NRP2: variants seen among roughly 807,000 people sequenced by gnomAD.
The protein encoded by NRP2 is neuropilin-2.
Under a neutral mutation model 110.4 loss-of-function variants are expected in NRP2, and 52 were observed. That is an observed-to-expected ratio of 0.47 (90% CI 0.38 to 0.59). The LOEUF (loss-of-function observed/expected upper bound fraction) is 0.59. NRP2 is among the 20% of genes least tolerant of loss of function. The pLI, the probability that NRP2 is intolerant of heterozygous loss-of-function variation, is 0.00. For missense variants in NRP2, 1,049 were observed against 1,203.0 expected, an observed-to-expected ratio of 0.87 and a Z score of 1.89; for synonymous variants, 508 against 468.9, an observed-to-expected ratio of 1.08 and a Z score of -1.08.
At chr2:205,743,722 A>C in intron 9 of NRP2, 170 bp downstream of exon 9, 1 of 1,327,596 alleles carries the variant, frequency 7.5e-7, no homozygotes, top group Non-Finnish European at 1.0e-6. Context: ...ACTGTGCTAA[A>C]TACCTTATTT....
chr2:205,777,050 T>G, intron 15 of NRP2: 2 of 1,003,082 alleles, frequency 2.0e-6, no homozygotes, highest in Non-Finnish European at 2.4e-6. Context: ...GAGGGCCCCT[T>G]TAACTCTTAT....
At chr2:205,768,047 C>T (rs932011687) in intron 15 of NRP2, 10 of 152,358 alleles carry the variant, frequency 6.6e-5, no homozygotes, top group African/African-American at 2.4e-4. Context: ...CAATTTGCCA[C>T]TCATCAGCTC....
intron 15 of NRP2, chr2:205,768,437 G>A (rs147720246): frequency 4.6e-5 from 7 of 152,304 alleles, no homozygotes; most frequent in African/African-American, 1.7e-4. Context: ...GGGTAAAGAC[G>A]TGCCAGCAGC....
chr2:205,732,044 A>T (rs1376090418), intron 7 of NRP2, among the ~76,000 whole-genome samples: 2 of 152,216 alleles, frequency 1.3e-5, no homozygotes, highest in Admixed American at 1.3e-4. Flanking sequence ...GGCGCTCTCC[A>T]CAATCCGCCC....
chr2:205,744,966 T>C (rs1414483990), intron 9 of NRP2, among the ~76,000 whole-genome samples: 1 of 152,176 alleles, frequency 6.6e-6, no homozygotes, highest in Non-Finnish European at 1.5e-5. Context: ...GGTTCAGAAT[T>C]GTGGACGCAG....
intron 7 of NRP2, among the ~76,000 whole-genome samples, chr2:205,728,417 T>C (rs968833648): frequency 2.6e-5 from 4 of 152,112 alleles, no homozygotes; most frequent in African/African-American, 4.8e-5. Context: ...CAAAACCACA[T>C]GATACTATAG....
In NRP2 at chr2:205,686,397, T is replaced by C. The variant is rs577980191; in HGVS notation, c.73+3034T>C. Among the ~76,000 whole-genome samples, 151 of 152,326 alleles carry C rather than the reference T, an allele frequency of 9.9e-4. 2 individuals are homozygous for C. The highest frequency in any genetic ancestry group is 3.4e-3 in the Middle Eastern group (1 of 294). ...CCCCAGCCGCCTCGCTCTTTGCTTT[T>C]CCACGTGAGAAAAAGAAATGTTCAC... On this transcript the variant is annotated intron_variant, in intron 1 of 16. Transcript: ENST00000357785. This position sits in a 1 kb window ranked among gnomAD's most constrained non-coding sequence, Gnocchi z 4.7.
At chr2:205,695,942 G>T (rs1215340174) in intron 1 of NRP2, among the ~76,000 whole-genome samples, 6 of 152,156 alleles carry the variant, frequency 3.9e-5, no homozygotes, top group Non-Finnish European at 5.9e-5. Context: ...TGAGCTCATT[G>T]TCTTCATGGG....
chr2:205,723,704 A>C (rs2057066400), intron 4 of NRP2, 81 bp from the exon 5 acceptor site: 1 of 1,410,706 alleles, frequency 7.1e-7, no homozygotes, highest in Non-Finnish European at 1.0e-6. Flanking sequence ...AATGAAATGC[A>C]ATGAGGGGAA....
rs56837273 is a variant in NRP2 at position 205,769,505 on chromosome 2, TACACACAC to T, written c.2425+2730_2425+2737del. 7.8e-3 allele frequency among the ~76,000 whole-genome samples: 1,138 copies of T among 145,206 alleles called. 3 individuals carry two copies. Among genetic ancestry groups the T allele is most frequent in the Non-Finnish European group, 0.012 (810 of 66,398 alleles). On this transcript the variant is annotated intron_variant, in intron 15 of 16. Transcript: ENST00000357785. ...TGCTGTGTGTGTGTATATACATACA[TACACACAC>T]ACACACACACACACACACACACACA...
chr2:205,790,240 A>G (rs1045186180), intron 15 of NRP2, among the ~76,000 whole-genome samples: 4 of 152,182 alleles, frequency 2.6e-5, no homozygotes, highest in African/African-American at 9.7e-5. Flanking sequence ...AAATCATCTC[A>G]TCCAGTCCTC....
chr2:205,726,475 T>A (rs2057130993), intron 6 of NRP2, among the ~76,000 whole-genome samples: 2 of 152,160 alleles, frequency 1.3e-5, no homozygotes, highest in African/African-American at 2.4e-5. Flanking sequence ...TAGCTGCACA[T>A]GACAGCTTCT....
intron 12 of NRP2, among the ~76,000 whole-genome samples, chr2:205,757,897 CT>C (rs34092110): frequency 0.095 from 14,090 of 148,372 alleles, 754 homozygotes; most frequent in African/African-American, 0.15. Context: ...TTTCTTTACC[CT>C]TTTTTTTTTT....
At chr2:205,762,763 G>A (rs2057845316) in intron 12 of NRP2, among the ~76,000 whole-genome samples, 1 of 152,180 alleles carries the variant, frequency 6.6e-6, no homozygotes, top group Non-Finnish European at 1.5e-5. Context: ...AGTTGGATTT[G>A]AAGGTGCAGG....
chr2:205,778,520 C>T (rs2058134153), intron 15 of NRP2: 1 of 152,268 alleles, frequency 6.6e-6, no homozygotes, highest in Non-Finnish European at 1.5e-5. Flanking sequence ...GCCCAGGGTA[C>T]CATGTGATGA....
intron 2 of NRP2, among the ~76,000 whole-genome samples, chr2:205,712,369 C>A (rs756538539): frequency 6.6e-6 from 1 of 152,154 alleles, no homozygotes; most frequent in Non-Finnish European, 1.5e-5. Context: ...TTTATGTTGC[C>A]TTCTGGAAAA....
rs1009412249 is a variant in NRP2, at chr2:205,794,881, C to T, written c.2604C>T (p.Ser868=). The T allele has an allele frequency of 5.0e-6, 8 of 1,614,072 alleles. No homozygotes were observed. The African/African-American group carries it at 9.3e-5, about 19-fold the overall frequency. The change falls in exon 17 of 17, where the codon AGC becomes AGT. Residue 868 remains serine, a synonymous_variant. Transcript: ENST00000357785. ...DPILITIIAM[S]SLGVLLGATC... ...TCCTCATCACCATCATCGCCATGAG[C>T]TCACTGGGCGTCCTCCTGGGGGCCA...
At chr2:205,718,162 G>T (rs891508267) in intron 3 of NRP2, among the ~76,000 whole-genome samples, 4 of 152,164 alleles carry the variant, frequency 2.6e-5, no homozygotes, top group African/African-American at 9.7e-5. Flanking sequence ...AGGGAAGTCA[G>T]AACAAGGGTG....
Position 205,683,324 on chromosome 2 carries a change from G to A in NRP2, c.34G>A (p.Ala12Thr), listed in dbSNP as rs1042305767. 2 of 1,613,844 alleles carry A rather than the reference G, an allele frequency of 1.2e-6. No individual in the cohort carries two copies. Among genetic ancestry groups the A allele is most frequent in the African/African-American group, 2.7e-5 (2 of 74,880 alleles). The change falls in exon 1 of 17, where the codon GCC becomes ACC. Residue 12 changes from alanine (A) to threonine (T), a missense_variant. By Grantham distance (58) the Ala-to-Thr change is moderately conservative. Coordinates refer to ENST00000357785, the MANE Select transcript of NRP2 (RefSeq NM_003872.3). ...DMFPLTWVFL[A>T]LYFSRHQVRG... is the part of the protein sequence containing the mutation. ...GTTTCCTCTCACCTGGGTTTTCTTA[G>A]CCCTCTACTTTTCAAGACACCAAGT...
Sources: gnomAD v4.1 joint callset for allele counts (sites outside exome capture counted in the v4.1 genomes callset) on GRCh38, gnomAD v4.1.1 for gene constraint, Gnocchi (gnomAD v3.1) non-coding constraint, MANE v1.5 for transcripts, NCBI Gene and HGNC (gene_info 2026-07-23, HGNC 2026-07-21) for gene names.